The following SMARCA5 variants were observed in gnomAD, a reference collection of about 807,000 sequenced individuals.
The protein encoded by SMARCA5 is SNF2 related chromatin remodeling ATPase 5.
In SMARCA5, 18 loss-of-function variants were observed where a neutral mutation model predicts 140.4. The observed-to-expected ratio is 0.13, with a 90% CI of 0.09 to 0.19. SMARCA5 has a LOEUF of 0.19. Ranked by LOEUF, SMARCA5 falls within the 10% of genes least tolerant of loss-of-function variation. SMARCA5 has a pLI of 1.00. For synonymous variants in SMARCA5, 449 were observed against 419.6 expected (o/e 1.07, Z -0.86); for missense variants, 606 against 1,276.8 (o/e 0.47, Z 8.01).
chr4:143,543,676 A>G lies in SMARCA5; in HGVS notation c.2052+19A>G. On this transcript the variant is annotated intron_variant, in intron 15 of 23. Transcript: ENST00000283131. Reference sequence around the variant, plus strand: ...AAAGAAGGTGAGATGTAGATTAAATAATGCTTTTAATATAGAATGTTTTAG... The same window carrying G: ...AAAGAAGGTGAGATGTAGATTAAATGATGCTTTTAATATAGAATGTTTTAG... The G allele has an allele frequency of 6.3e-7, 1 of 1,585,000 alleles. No homozygotes were observed. The highest frequency in any genetic ancestry group is 8.6e-7 in the Non-Finnish European group (1 of 1,156,104).
chr4:143,534,672 C>T (rs907490998), intron 9 of SMARCA5, among the ~76,000 whole-genome samples, 183 bp from the exon 10 acceptor site: 6 of 152,096 alleles, frequency 3.9e-5, no homozygotes, highest in African/African-American at 1.4e-4. Context: ...GGGAAGGGGA[C>T]AGGAACTAGT....
At position 143,517,347 on chromosome 4, in the gene SMARCA5, T is replaced by C. The variant is rs1349565578; in HGVS notation, c.178-8T>C. 5.6e-6 allele frequency: 9 copies of C among 1,597,562 alleles called. No individual in the cohort carries two copies. Among genetic ancestry groups the C allele is most frequent in the Middle Eastern group, 1.7e-4 (1 of 6,044 alleles). ...GACCAATTCTATTTAATTATTTCTT[T>C]CTACCAGGAAATATTTGATGATGCG... On this transcript the variant is annotated splice_region_variant and splice_polypyrimidine_tract_variant and intron_variant, in intron 1 of 23. Transcript: ENST00000283131.
chr4:143,546,323 A>C (rs541738861), intron 19 of SMARCA5, among the ~76,000 whole-genome samples: 2 of 152,012 alleles, frequency 1.3e-5, no homozygotes, highest in South Asian at 4.1e-4. Context: ...AATTTTCCAC[A>C]TTGCTACCCA....
chr4:143,517,160 A>T (rs934692238), intron 1 of SMARCA5, among the ~76,000 whole-genome samples, 195 bp from the exon 2 acceptor site: 30 of 152,308 alleles, frequency 2.0e-4, no homozygotes, highest in African/African-American at 7.0e-4. Flanking sequence ...TATGGGTTAA[A>T]TACGTTGTTA....
chr4:143,529,479 A>G (rs1362557217), intron 8 of SMARCA5, among the ~76,000 whole-genome samples: 2 of 152,228 alleles, frequency 1.3e-5, no homozygotes, highest in African/African-American at 4.8e-5. Context: ...TAGTCTAACA[A>G]ACAAATAGAA....
At chr4:143,529,703 A>G (rs1267230928) in intron 8 of SMARCA5, among the ~76,000 whole-genome samples, 1 of 152,096 alleles carries the variant, frequency 6.6e-6, no homozygotes, top group African/African-American at 2.4e-5. Context: ...CCATGTTAGT[A>G]TATTTTTGTA....
In SMARCA5 at chr4:143,553,433, T is replaced by G. The variant is rs1020848560; in HGVS notation, c.*249T>G. 33 of 360,160 alleles carry G rather than the reference T, an allele frequency of 9.2e-5. No individual in the cohort carries two copies. The highest frequency in any genetic ancestry group is 6.7e-4 in the African/African-American group (32 of 47,932). The allele number at this position is 360,160 out of a possible 1,614,324, so 22.3% of individuals were successfully genotyped here. A position where few individuals can be genotyped will look rare whatever the true frequency, so the allele number is the denominator to read the frequency against. On this transcript the variant is annotated 3_prime_UTR_variant, in exon 24 of 24. Coordinates refer to ENST00000283131, the MANE Select transcript of SMARCA5 (RefSeq NM_003601.4). ...TTTATTACTAAGTGTTTCATTTGAT[T>G]TATTTTTCTATTGTAGTTCCATTTG...
intron 2 of SMARCA5, among the ~76,000 whole-genome samples, chr4:143,520,712 A>G (rs1468461389): frequency 6.6e-6 from 1 of 152,054 alleles, no homozygotes; most frequent in Non-Finnish European, 1.5e-5. Flanking sequence ...TGTTTCATCA[A>G]ACTATTATTG....
chr4:143,524,551 A>G (rs1372275381), intron 4 of SMARCA5, 84 bp downstream of exon 4: 9 of 809,828 alleles, frequency 1.1e-5, no homozygotes, highest in African/African-American at 3.5e-5. Context: ...GTTGGCTACT[A>G]TTTGTGAAGC....
At position 143,521,414 on chromosome 4, in the gene SMARCA5, A is replaced by T. The variant is rs756886153; in HGVS notation, c.253-15A>T. ...GATACTCTGATAAAATGTATCTTAAATTTTTTTTTTTCAGCAAACTGACCG... is the reference window on the plus strand; with the variant it reads ...GATACTCTGATAAAATGTATCTTAATTTTTTTTTTTTCAGCAAACTGACCG... On this transcript the variant is annotated splice_polypyrimidine_tract_variant and intron_variant, in intron 2 of 23. Coordinates refer to ENST00000283131, the MANE Select transcript of SMARCA5 (RefSeq NM_003601.4). The T allele has an allele frequency of 5.4e-5, 70 of 1,292,746 alleles. No homozygotes were observed. The highest frequency in any genetic ancestry group is 1.3e-4 in the South Asian group (9 of 70,180). 80.1% of individuals were successfully genotyped at this position (1,292,746 alleles called of 1,614,324 possible).
At chr4:143,522,813 C>T (rs1170015205) in intron 3 of SMARCA5, among the ~76,000 whole-genome samples, 1 of 151,824 alleles carries the variant, frequency 6.6e-6, no homozygotes, top group East Asian at 1.9e-4. Flanking sequence ...TTATTATTAT[C>T]CTAATTTATC....
chr4:143,547,370 G>T lies in SMARCA5; in HGVS notation c.2654-15G>T, dbSNP rs1737545097. 7.7e-7 allele frequency: 1 copy of T among 1,302,034 alleles called. No individual in the cohort carries two copies. Among genetic ancestry groups the T allele is most frequent in the Admixed American group, 1.9e-5 (1 of 53,636 alleles). The allele number at this position is 1,302,034 out of a possible 1,614,324, so 80.7% of individuals were successfully genotyped here. A position where few individuals can be genotyped will look rare whatever the true frequency, so the allele number is the denominator to read the frequency against. On this transcript the variant is annotated splice_polypyrimidine_tract_variant and intron_variant, in intron 20 of 23. Transcript: ENST00000283131. ...AAAATATAAATGATTTGTTTACTTT[G>T]TCCAACTTTTACAGCTGTGTTTTGG...
In SMARCA5 at chr4:143,553,300, A is replaced by C. The variant is rs919877868; in HGVS notation, c.*116A>C. ...TATGTCATTTAAAGACATCAGGTTCATCTGTTTACTGAGCTAGAAACATAG... is the reference window on the plus strand; with the variant it reads ...TATGTCATTTAAAGACATCAGGTTCCTCTGTTTACTGAGCTAGAAACATAG... On this transcript the variant is annotated 3_prime_UTR_variant, in exon 24 of 24. Coordinates refer to ENST00000283131, the MANE Select transcript of SMARCA5 (RefSeq NM_003601.4). 4 of 719,330 alleles carry C rather than the reference A, an allele frequency of 5.6e-6. No individual in the cohort carries two copies. The African/African-American group carries it at 7.0e-5, about 13-fold the overall frequency. 44.6% of individuals were successfully genotyped at this position (719,330 alleles called of 1,614,324 possible).
chr4:143,520,983 G>A (rs1736945434), intron 2 of SMARCA5, among the ~76,000 whole-genome samples: 1 of 152,058 alleles, frequency 6.6e-6, no homozygotes, highest in African/African-American at 2.4e-5. Flanking sequence ...CACTTGTATT[G>A]CACAGTGTTT....
rs1302948772 is a variant in SMARCA5 at position 143,528,727 on chromosome 4, T to A, written c.1089+13T>A. 2 of 1,603,408 alleles carry A rather than the reference T, an allele frequency of 1.2e-6. No homozygotes were observed. Among genetic ancestry groups the A allele is most frequent in the Non-Finnish European group, 1.7e-6 (2 of 1,176,672 alleles). On this transcript the variant is annotated intron_variant, in intron 8 of 23. Transcript: ENST00000283131. Reference sequence around the variant, plus strand: ...TAATTCAGCAGATGTAAGTATTTCCTGGTGCTTTCTGGTTAATAATAATAT... The same window carrying A: ...TAATTCAGCAGATGTAAGTATTTCCAGGTGCTTTCTGGTTAATAATAATAT...
chr4:143,519,615 T>A (rs1736913734), intron 2 of SMARCA5, among the ~76,000 whole-genome samples: 1 of 152,106 alleles, frequency 6.6e-6, no homozygotes, highest in Non-Finnish European at 1.5e-5. Context: ...ATCATGATCT[T>A]CACCTGCACA....
chr4:143,549,993 T>G lies in SMARCA5; in HGVS notation c.2986-4T>G, dbSNP rs1303170648. 1 of 1,527,682 alleles carries G rather than the reference T, an allele frequency of 6.5e-7. No homozygotes were observed. The highest frequency in any genetic ancestry group is 1.4e-5 in the African/African-American group (1 of 72,854). The allele number at this position is 1,527,682 out of a possible 1,614,324, so 94.6% of individuals were successfully genotyped here. A position where few individuals can be genotyped will look rare whatever the true frequency, so the allele number is the denominator to read the frequency against. On this transcript the variant is annotated splice_polypyrimidine_tract_variant and splice_region_variant and intron_variant, in intron 22 of 23. Transcript: ENST00000283131. The stretch of plus-strand genomic sequence containing the variant: ...TGCGTGTACCATGTTTGTTTATAAT[T>G]TAGGAGCTCCAGAGGAGATGTAATA...
chr4:143,537,677 G>A lies in SMARCA5; in HGVS notation c.1496-913G>A, dbSNP rs192361210. On this transcript the variant is annotated intron_variant, in intron 11 of 23. Transcript: ENST00000283131. ...TCTCATGTCCCAGCACTTTTTGGAA[G>A]GCTGAGGTGGGCAGATCACCTAAGG... Among the ~76,000 whole-genome samples, 399 of 152,140 alleles carry A rather than the reference G, an allele frequency of 2.6e-3. 2 individuals carry two copies. Among genetic ancestry groups the A allele is most frequent in the Non-Finnish European group, 3.0e-3 (204 of 67,982 alleles).
At chr4:143,544,945 T>TTA in intron 17 of SMARCA5, 98 bp downstream of exon 17, 2 of 561,746 alleles carry the variant, frequency 3.6e-6, no homozygotes, top group Non-Finnish European at 6.0e-6. Flanking sequence ...GATTTTGTGT[T>TTA]TCTTTTTTTT....
Sources: allele counts gnomAD v4.1 joint callset (sites outside exome capture counted in the v4.1 genomes callset), GRCh38; gene constraint gnomAD v4.1.1; transcripts MANE v1.5; gene names NCBI Gene and HGNC (gene_info 2026-07-23, HGNC 2026-07-21).